ACTR3C: variants seen among roughly 807,000 people sequenced by gnomAD.
ACTR3C encodes the protein actin-related protein 3C.
In ACTR3C, 18 loss-of-function variants were observed where a neutral mutation model predicts 26.3. The ratio of observed to expected loss-of-function variants is 0.68; its 90% CI spans 0.47 to 1.01. The LOEUF is 1.01. Among genes scored for constraint, ACTR3C ranks in the 50% least tolerant of loss-of-function variants. The pLI is 0.00. For synonymous variants in ACTR3C, 55 were observed against 94.5 expected, an observed-to-expected ratio of 0.58 and a Z score of 2.42; for missense variants, 184 against 250.7, an observed-to-expected ratio of 0.73 and a Z score of 1.80.
chr7:150,105,273 G>A, the ACTR3C span, among the ~76,000 whole-genome samples: 6 of 151,620 alleles, frequency 4.0e-5, no homozygotes, highest in East Asian at 1.2e-3. Flanking sequence ...TAGTAGAGAC[G>A]GGGTTTCACC....
chr7:150,254,849 A>G (rs1470682022), intron 6 of ACTR3C, among the ~76,000 whole-genome samples: 1 of 152,170 alleles, frequency 6.6e-6, no homozygotes, highest in Non-Finnish European at 1.5e-5. Flanking sequence ...TGAACCCCTG[A>G]CATTCAGGTA....
the ACTR3C span, among the ~76,000 whole-genome samples, chr7:150,087,842 A>G: frequency 1.3e-5 from 2 of 152,252 alleles, no homozygotes. Flanking sequence ...GCTACATTCA[A>G]TTAAAAGTTA....
At chr7:149,971,179 A>C in the ACTR3C span, among the ~76,000 whole-genome samples, 1 of 152,184 alleles carries the variant, frequency 6.6e-6, no homozygotes, top group Admixed American at 6.5e-5. Flanking sequence ...TAATCTGTGC[A>C]ATGTGAACCC....
chr7:149,954,989 C>T, the ACTR3C span, among the ~76,000 whole-genome samples: 1 of 152,178 alleles, frequency 6.6e-6, no homozygotes, highest in Admixed American at 6.5e-5. Flanking sequence ...TTAACATAAG[C>T]AAATTGATCA....
At chr7:150,197,565 A>G in the ACTR3C span, among the ~76,000 whole-genome samples, 5 of 152,092 alleles carry the variant, frequency 3.3e-5, no homozygotes, top group African/African-American at 9.7e-5. Context: ...GCTCTTCCTG[A>G]GCAGAAACTG....
chr7:150,075,985 T>A, the ACTR3C span, among the ~76,000 whole-genome samples: 1 of 152,250 alleles, frequency 6.6e-6, no homozygotes, highest in South Asian at 2.1e-4. Context: ...AAGAATTACA[T>A]TATGCAATCA....
At chr7:150,041,211 C>G in the ACTR3C span, among the ~76,000 whole-genome samples, 1 of 150,578 alleles carries the variant, frequency 6.6e-6, no homozygotes, top group Non-Finnish European at 1.5e-5. Flanking sequence ...GTCCCCGACC[C>G]CTTTGTGACC....
At chr7:150,183,696 C>CAAAAAAAAAAA in the ACTR3C span, among the ~76,000 whole-genome samples, 50 of 48,044 alleles carry the variant, frequency 1.0e-3, no homozygotes, top group African/African-American at 3.3e-3. Context: ...GTGGCTATGG[C>CAAAAAAAAAAA]AAAAAAAAAA....
chr7:150,072,539 C>T, the ACTR3C span, among the ~76,000 whole-genome samples: 1 of 143,922 alleles, frequency 6.9e-6, no homozygotes, highest in Admixed American at 7.1e-5. Flanking sequence ...GGCTCCACAG[C>T]CATGCGAGGG....
chr7:149,919,743 A>C, the ACTR3C span, among the ~76,000 whole-genome samples: 1 of 152,208 alleles, frequency 6.6e-6, no homozygotes, highest in East Asian at 1.9e-4. Context: ...TTACTCTGTA[A>C]TCTATTTTAT....
chr7:150,164,629 A>G, the ACTR3C span, among the ~76,000 whole-genome samples: 2 of 152,012 alleles, frequency 1.3e-5, no homozygotes, highest in African/African-American at 4.8e-5. Context: ...TACAACATCA[A>G]TAATTGAGTA....
intron 6 of ACTR3C, among the ~76,000 whole-genome samples, chr7:150,270,370 A>G (rs1434255244): frequency 2.0e-5 from 3 of 150,474 alleles, no homozygotes; most frequent in Admixed American, 6.6e-5. Context: ...CCACACACCA[A>G]CTCCTTTCAC....
At chr7:150,041,821 C>G in the ACTR3C span, among the ~76,000 whole-genome samples, 9 of 130,230 alleles carry the variant, frequency 6.9e-5, no homozygotes, top group East Asian at 2.3e-4. Flanking sequence ...GATGGGGGTA[C>G]TAAGAGCCAG....
At chr7:150,039,428 G>A in the ACTR3C span, among the ~76,000 whole-genome samples, 763 of 17,622 alleles carry the variant, frequency 0.043, 46 homozygotes, top group African/African-American at 0.14. Context: ...TCCCTGCCTC[G>A]CGGGGGTGCC....
downstream of ACTR3C, among the ~76,000 whole-genome samples, chr7:150,239,526 C>T (rs1389909286): frequency 9.9e-5 from 12 of 121,130 alleles, 3 homozygotes; most frequent in African/African-American, 4.3e-4. Context: ...CTCTCTCTCT[C>T]TCTCTCTCTC....
downstream of ACTR3C, chr7:150,244,596 T>C (rs2129608667): frequency 6.6e-6 from 1 of 152,318 alleles, no homozygotes; most frequent in South Asian, 2.1e-4. Flanking sequence ...TGCATCACTC[T>C]GGAGCTAATG....
the ACTR3C span, among the ~76,000 whole-genome samples, chr7:149,999,760 G>C: frequency 2.0e-5 from 3 of 151,008 alleles, no homozygotes; most frequent in Non-Finnish European, 2.9e-5. Flanking sequence ...GTGAACGCCA[G>C]GTCCATCCCA....
At chr7:150,107,137 T>A in the ACTR3C span, among the ~76,000 whole-genome samples, 1 of 145,250 alleles carries the variant, frequency 6.9e-6, no homozygotes, top group Admixed American at 6.7e-5. Context: ...CAACCTTGGG[T>A]TCAAACAGTA....
At chr7:150,222,193 A>G in the ACTR3C span, among the ~76,000 whole-genome samples, 1 of 152,200 alleles carries the variant, frequency 6.6e-6, no homozygotes, top group Admixed American at 6.5e-5. Flanking sequence ...GAAGACATTC[A>G]AAAGCAACTC....
Sources: gnomAD v4.1 joint callset for allele counts (sites outside exome capture counted in the v4.1 genomes callset) on GRCh38, gnomAD v4.1.1 for gene constraint, MANE v1.5 for transcripts, NCBI Gene and HGNC (gene_info 2026-07-23, HGNC 2026-07-21) for gene names.